PTPRU: variants seen among roughly 807,000 people sequenced by gnomAD.
PTPRU encodes the protein receptor-type tyrosine-protein phosphatase U.
Under a neutral mutation model 166.3 loss-of-function variants are expected in PTPRU, and 69 were observed. The ratio of observed to expected loss-of-function variants is 0.41; its 90% confidence interval spans 0.34 to 0.51. PTPRU has a LOEUF of 0.51. PTPRU is among the 20% of genes least tolerant of loss of function. The pLI is 0.09. For missense variants in PTPRU, 1,657 were observed against 2,013.7 expected (o/e 0.82, Z 3.39); for synonymous variants, 793 against 814.0 (o/e 0.97, Z 0.44).
intron 15 of PTPRU, among the ~76,000 whole-genome samples, chr1:29,302,108 G>A (rs1365745321): frequency 2.6e-5 from 4 of 151,748 alleles, no homozygotes; most frequent in Admixed American, 1.3e-4. Context: ...GGAAGACAGC[G>A]ATACTGATGA....
intron 14 of PTPRU, 58 bp downstream of exon 14, chr1:29,284,927 G>A: frequency 6.5e-7 from 1 of 1,549,252 alleles, no homozygotes; most frequent in Non-Finnish European, 8.7e-7. Flanking sequence ...AGGCCTGGTG[G>A]CACAGAGGAA....
At chr1:29,259,600 T>TTTTTGGGGGGGGGGGGGGGGG in intron 5 of PTPRU, 36 bp downstream of exon 5, 1 of 253,556 alleles carries the variant, frequency 3.9e-6, no homozygotes, top group Non-Finnish European at 7.7e-6. Flanking sequence ...GGGGGCGGGG[T>TTTTTGGGGGGGGGGGGGGGGG]GGGAGGGGGT....
Position 29,240,658 on chromosome 1 carries a change from C to T in PTPRU, c.73+3941C>T, listed in dbSNP as rs1031675035. 8.5e-5 allele frequency among the ~76,000 whole-genome samples: 13 copies of T among 152,258 alleles called. No individual in the cohort carries two copies. In the South Asian group the frequency reaches 2.5e-3, roughly 29 times the overall value. ...GGGAACGGGCCTCCTGCCTGCCAGC[C>T]CCTCCCCCAGGCTCTGGCCCCACCC... On this transcript the variant is annotated intron_variant, in intron 1 of 29. Coordinates refer to ENST00000373779, the MANE Select transcript of PTPRU (RefSeq NM_133178.4).
At chr1:29,245,610 T>G (rs1684261579) in intron 1 of PTPRU, among the ~76,000 whole-genome samples, 1 of 152,230 alleles carries the variant, frequency 6.6e-6, no homozygotes, top group South Asian at 2.1e-4. Flanking sequence ...TGCGTTCTCC[T>G]GAGTTTCTGC....
Position 29,315,882 on chromosome 1 carries a change from A to G in PTPRU, c.3364-120A>G, listed in dbSNP as rs529907921. 1.3e-5 allele frequency: 16 copies of G among 1,266,434 alleles called. No homozygotes were observed. In the East Asian group the frequency reaches 3.5e-4, roughly 28 times the overall value. 78.4% of individuals were successfully genotyped at this position (1,266,434 alleles called of 1,614,324 possible). The stretch of plus-strand genomic sequence containing the variant: ...AGGTAGGCTTGGTCCAGCCTGTAGT[A>G]ACATGGTTGGCCTCCACCTCAGGAC... On this transcript the variant is annotated intron_variant, in intron 23 of 29. Coordinates refer to ENST00000373779, the MANE Select transcript of PTPRU (RefSeq NM_133178.4). The surrounding 1 kb of genome is among the most constrained non-coding windows in gnomAD (Gnocchi z 4.5).
intron 7 of PTPRU, among the ~76,000 whole-genome samples, chr1:29,274,779 G>A (rs557970726): frequency 5.3e-5 from 8 of 152,212 alleles, no homozygotes; most frequent in Non-Finnish European, 8.8e-5. Context: ...GGCCGGGTGC[G>A]GTGGCTCACA....
intron 15 of PTPRU, among the ~76,000 whole-genome samples, chr1:29,294,443 TAGG>T (rs1212807371): frequency 1.3e-5 from 2 of 152,238 alleles, no homozygotes; most frequent in Admixed American, 1.3e-4. Flanking sequence ...TAGTGGTTTT[TAGG>T]AGTTCTTTAT....
intron 12 of PTPRU, 27 bp from the exon 13 acceptor site, chr1:29,283,913 C>A (rs750281825): frequency 5.3e-5 from 86 of 1,613,702 alleles, no homozygotes; most frequent in South Asian, 2.5e-4. Context: ...GCTTCAGCAA[C>A]GCTGAGACCC....
chr1:29,312,024 C>A (rs1687688169), intron 21 of PTPRU, among the ~76,000 whole-genome samples: 2 of 152,192 alleles, frequency 1.3e-5, no homozygotes, highest in Non-Finnish European at 2.9e-5. Flanking sequence ...TGTGCTGAGC[C>A]TGTTATAAAT....
chr1:29,240,804 C>T (rs1413498919), intron 1 of PTPRU, among the ~76,000 whole-genome samples: 1 of 142,450 alleles, frequency 7.0e-6, no homozygotes, highest in South Asian at 2.3e-4. Context: ...GGAGGGAGCC[C>T]GCAGGGCCCT....
Position 29,236,665 on chromosome 1 carries a change from C to A in PTPRU, c.21C>A (p.Leu7=). The A allele has an allele frequency of 7.0e-7, 1 of 1,430,500 alleles. No homozygotes were observed. Among genetic ancestry groups the A allele is most frequent in the Non-Finnish European group, 9.2e-7 (1 of 1,090,428 alleles). 88.6% of individuals were successfully genotyped at this position (1,430,500 alleles called of 1,614,324 possible). A position where few individuals can be genotyped will look rare whatever the true frequency, so the allele number is the denominator to read the frequency against. Residue 7 remains leucine, a synonymous_variant, in exon 1 of 30, where the codon CTC becomes CTA. Coordinates refer to ENST00000373779, the MANE Select transcript of PTPRU (RefSeq NM_133178.4). This position sits in a 1 kb window ranked among gnomAD's most constrained non-coding sequence, Gnocchi z 4.6. ...CAACCATGGCCCGTGCCCAGGCGCT[C>A]GTGCTGGCACTCACCTTCCAGCTCT... MARAQA[L]VLALTFQLCA...
At chr1:29,262,248 A>G (rs1274362802) in intron 7 of PTPRU, among the ~76,000 whole-genome samples, 4 of 152,272 alleles carry the variant, frequency 2.6e-5, no homozygotes, top group Admixed American at 2.0e-4. Flanking sequence ...CAAAAATATT[A>G]TATGAATGAA....
At chr1:29,251,826 C>T (rs1684555464) in intron 1 of PTPRU, among the ~76,000 whole-genome samples, 1 of 152,340 alleles carries the variant, frequency 6.6e-6, no homozygotes, top group Non-Finnish European at 1.5e-5. Flanking sequence ...GCTTCCCTTT[C>T]TGGCAACCCC....
intron 12 of PTPRU, among the ~76,000 whole-genome samples, 194 bp downstream of exon 12, chr1:29,283,143 C>T (rs1343517124): frequency 6.6e-6 from 1 of 150,810 alleles, no homozygotes; most frequent in Non-Finnish European, 1.5e-5. Context: ...GCCCCACCTC[C>T]CATAGCCCTG....
rs1240603812 is a variant in PTPRU at position 29,245,386 on chromosome 1, C to G, written c.73+8669C>G. 2.0e-5 allele frequency among the ~76,000 whole-genome samples: 3 copies of G among 152,142 alleles called. 1 individual carries two copies. Among genetic ancestry groups the G allele is most frequent in the Non-Finnish European group, 4.4e-5 (3 of 68,024 alleles). On this transcript the variant is annotated intron_variant, in intron 1 of 29. Transcript: ENST00000373779. ...GGTGAGCCAGCGTGGCCGGGCAGAG[C>G]TGTAGGTAGAGAGTTTTCCAGGGAT... is the stretch of plus-strand genomic sequence containing the variant.
chr1:29,236,837 C>T lies in PTPRU; in HGVS notation c.73+120C>T. The T allele has an allele frequency of 1.0e-6, 1 of 989,690 alleles. No homozygotes were observed. Among genetic ancestry groups the T allele is most frequent in the Non-Finnish European group, 1.3e-6 (1 of 759,806 alleles). The allele number at this position is 989,690 out of a possible 1,614,324, so 61.3% of individuals were successfully genotyped here. On this transcript the variant is annotated intron_variant, in intron 1 of 29. Coordinates refer to ENST00000373779, the MANE Select transcript of PTPRU (RefSeq NM_133178.4). This position sits in a 1 kb window ranked among gnomAD's most constrained non-coding sequence, Gnocchi z 4.6. ...TTACGAGCGTGCTCCCTGTGTGTGT[C>T]TGAGCGTAGGATGGGCGATTGTGTG...
chr1:29,307,765 T>G (rs1448433906), intron 18 of PTPRU, among the ~76,000 whole-genome samples: 1 of 35,118 alleles, frequency 2.8e-5, no homozygotes. Context: ...TTTTTTTTTT[T>G]TTTTTTTTTT....
intron 8 of PTPRU, among the ~76,000 whole-genome samples, chr1:29,277,803 C>CTTTTTTATTTTTTTT (rs1685875684): frequency 2.0e-5 from 1 of 50,564 alleles, no homozygotes; most frequent in Non-Finnish European, 3.3e-5. Flanking sequence ...AGTTGTCATT[C>CTTTTTTATTTTTTTT]TTTTTTTTTT....
intron 8 of PTPRU, among the ~76,000 whole-genome samples, chr1:29,278,364 C>T (rs986539958): frequency 6.6e-6 from 1 of 152,120 alleles, no homozygotes; most frequent in African/African-American, 2.4e-5. Context: ...AGGTATTTTC[C>T]CAAGCAAAGA....
Sources: allele counts gnomAD v4.1 joint callset (sites outside exome capture counted in the v4.1 genomes callset), GRCh38; gene constraint gnomAD v4.1.1; non-coding constraint Gnocchi (gnomAD v3.1); transcripts MANE v1.5; gene names NCBI Gene and HGNC (gene_info 2026-07-23, HGNC 2026-07-21).